Variants in NDST4 observed in about 807,000 individuals in gnomAD.
The protein encoded by NDST4 is N-heparan sulfate sulfotransferase 4.
In NDST4, 63 loss-of-function variants were observed where a neutral mutation model predicts 100.8. The observed-to-expected ratio is 0.62, with a 90% CI of 0.51 to 0.77. The LOEUF (loss-of-function observed/expected upper bound fraction) is 0.77, where lower values mean the gene tolerates loss of function less well. NDST4 is among the 30% of genes least tolerant of loss of function. NDST4 has a pLI of 0.00. For synonymous variants in NDST4, 377 were observed against 361.8 expected, an observed-to-expected ratio of 1.04 and a Z score of -0.48; for missense variants, 943 against 1,018.4, an observed-to-expected ratio of 0.93 and a Z score of 1.01.
intron 10 of NDST4, among the ~76,000 whole-genome samples, chr4:114,843,374 C>T (rs1203382954): frequency 6.6e-6 from 1 of 152,092 alleles, no homozygotes; most frequent in Admixed American, 6.5e-5. Context: ...TCTTCTGGGC[C>T]TTTAACCTCT....
At chr4:115,006,525 C>A (rs1727420968) in intron 2 of NDST4, among the ~76,000 whole-genome samples, 2 of 151,960 alleles carry the variant, frequency 1.3e-5, no homozygotes, top group Admixed American at 1.3e-4. Context: ...GGAGAGAAGT[C>A]AAAAAGAAGT....
chr4:114,871,100 A>T, intron 6 of NDST4, 150 bp from the exon 7 acceptor site: 1 of 530,840 alleles, frequency 1.9e-6, no homozygotes, highest in East Asian at 3.3e-5. Flanking sequence ...TTTAATTTTC[A>T]TCTCAAAATA....
At chr4:114,929,097 CATCCATCCATCCATCCATCTATCTATCT>C (rs1307174781) in intron 6 of NDST4, among the ~76,000 whole-genome samples, 2 of 126,422 alleles carry the variant, frequency 1.6e-5, no homozygotes, top group Non-Finnish European at 3.4e-5. Context: ...TCCATCCATC[CATCCATCCATCCATCCATCTATCTATCT>C]ATCTATCTAT....
intron 6 of NDST4, among the ~76,000 whole-genome samples, chr4:114,883,204 T>A (rs780930863): frequency 3.2e-4 from 49 of 152,100 alleles, no homozygotes; most frequent in Non-Finnish European, 5.0e-4. Flanking sequence ...TTTTTATTTT[T>A]AATTAATCTA....
chr4:115,019,795 G>C (rs1197436427), intron 2 of NDST4, among the ~76,000 whole-genome samples: 1 of 152,078 alleles, frequency 6.6e-6, no homozygotes, highest in Admixed American at 6.6e-5. Context: ...GGGGGAATGA[G>C]TTGCAGATAA....
At chr4:114,901,851 T>A (rs990212984) in intron 6 of NDST4, among the ~76,000 whole-genome samples, 2 of 151,880 alleles carry the variant, frequency 1.3e-5, no homozygotes, top group African/African-American at 2.4e-5. Flanking sequence ...TTCATTTTTT[T>A]AGTGACTGTA....
chr4:114,856,353 G>A (rs1462344668), intron 7 of NDST4, among the ~76,000 whole-genome samples: 1 of 152,056 alleles, frequency 6.6e-6, no homozygotes, highest in Non-Finnish European at 1.5e-5. Context: ...GAGCCACTGT[G>A]CCTGGCCAAT....
intron 2 of NDST4, among the ~76,000 whole-genome samples, chr4:114,978,587 A>C (rs1726695811): frequency 6.6e-6 from 1 of 152,070 alleles, no homozygotes; most frequent in Non-Finnish European, 1.5e-5. Flanking sequence ...TAAATATTAA[A>C]AACAGTTGAG....
At chr4:114,972,038 A>T (rs1397762240) in intron 3 of NDST4, among the ~76,000 whole-genome samples, 1 of 142,440 alleles carries the variant, frequency 7.0e-6, no homozygotes, top group Non-Finnish European at 1.5e-5. Flanking sequence ...ATACCTTAAA[A>T]ATTCTATCTA....
intron 6 of NDST4, among the ~76,000 whole-genome samples, chr4:114,896,622 C>CAAAAA (rs34174566): frequency 2.7e-4 from 28 of 103,900 alleles, no homozygotes; most frequent in African/African-American, 4.7e-4. Flanking sequence ...GACTCCGTCT[C>CAAAAA]AAAAAAAAAA....
intron 2 of NDST4, among the ~76,000 whole-genome samples, chr4:115,069,026 G>A (rs1578497553): frequency 6.6e-6 from 1 of 152,062 alleles, no homozygotes; most frequent in African/African-American, 2.4e-5. Context: ...TATACATAAA[G>A]ATGCTAACTG....
intron 6 of NDST4, among the ~76,000 whole-genome samples, chr4:114,912,093 C>A (rs1388729268): frequency 6.6e-6 from 1 of 152,142 alleles, no homozygotes; most frequent in African/African-American, 2.4e-5. Context: ...TGTGAAAATT[C>A]CTGTTTCATA....
intron 2 of NDST4, among the ~76,000 whole-genome samples, chr4:115,045,233 T>C (rs1246264913): frequency 6.6e-6 from 1 of 152,012 alleles, no homozygotes; most frequent in Non-Finnish European, 1.5e-5. Context: ...CATAAAATGA[T>C]AGAGAAAATT....
At chr4:115,059,017 A>T (rs1003551420) in intron 2 of NDST4, among the ~76,000 whole-genome samples, 1 of 151,830 alleles carries the variant, frequency 6.6e-6, no homozygotes, top group Non-Finnish European at 1.5e-5. Context: ...TCAAAATTAG[A>T]TTTATTGAGG....
chr4:115,014,586 A>G lies in NDST4; in HGVS notation c.979-37312T>C, dbSNP rs186030307. Among the ~76,000 whole-genome samples the G allele has an allele frequency of 9.2e-5, 14 of 152,140 alleles. 1 individual carries two copies. The East Asian group carries it at 2.7e-3, about 29-fold the overall frequency. Reference sequence around the variant, plus strand: ...GATTTTTTAGTAGGGTTCAGAACAGAAAAAGGCTCTGCAGTAAGTCCAGGC... The same window carrying G: ...GATTTTTTAGTAGGGTTCAGAACAGGAAAAGGCTCTGCAGTAAGTCCAGGC... On this transcript the variant is annotated intron_variant, in intron 2 of 13. Transcript: ENST00000264363.
chr4:114,848,300 A>G lies in NDST4; in HGVS notation c.1855T>C (p.Ser619Pro), dbSNP rs1316631321. 2 of 1,605,622 alleles carry G rather than the reference A, an allele frequency of 1.2e-6. No individual in the cohort carries two copies. Among genetic ancestry groups the G allele is most frequent in the Non-Finnish European group, 1.7e-6 (2 of 1,175,888 alleles). The change falls in exon 9 of 14, where the codon TCA (serine) becomes CCA (proline). Residue 619 changes from serine to proline, a missense_variant. Coordinates refer to ENST00000264363, the MANE Select transcript of NDST4 (RefSeq NM_022569.3). ...ALYLFLLMHP[S>P]IISNLPSPKT... The stretch of plus-strand genomic sequence containing the variant: ...GGACTAGGGAGATTGCTGATGATTG[A>G]AGGATGCATAAGAAGAAATAAATAA...
chr4:114,855,843 T>A (rs961161464), intron 7 of NDST4, among the ~76,000 whole-genome samples: 2 of 152,348 alleles, frequency 1.3e-5, no homozygotes, highest in Admixed American at 1.3e-4. Context: ...ATTCTTTAGA[T>A]ACATCTTTCT....
chr4:115,096,662 T>C (rs537888976), intron 1 of NDST4, among the ~76,000 whole-genome samples: 1 of 152,214 alleles, frequency 6.6e-6, no homozygotes, highest in South Asian at 2.1e-4. Flanking sequence ...GCTTCAGTAA[T>C]ACTTTTCACA....
intron 2 of NDST4, among the ~76,000 whole-genome samples, chr4:115,044,031 C>A (rs947247392): frequency 6.6e-6 from 1 of 152,032 alleles, no homozygotes; most frequent in Admixed American, 6.6e-5. Context: ...TCAAAAGATA[C>A]ATTTTCTTTC....
Sources: allele counts gnomAD v4.1 joint callset (sites outside exome capture counted in the v4.1 genomes callset), GRCh38; gene constraint gnomAD v4.1.1; transcripts MANE v1.5; gene names NCBI Gene and HGNC (gene_info 2026-07-23, HGNC 2026-07-21).